The following CADPS2 variants were observed in gnomAD, a reference collection of about 807,000 sequenced individuals.
CADPS2 encodes calcium-dependent secretion activator 2.
A neutral mutation model predicts 172.5 loss-of-function variants in CADPS2; 93 were observed. That is an observed-to-expected ratio of 0.54 (90% CI 0.46 to 0.64). The LOEUF is 0.64. CADPS2 is among the 30% of genes least tolerant of loss of function. The probability of loss-of-function intolerance (pLI) is 0.00; values close to 1 mark genes in which losing one functional copy is unlikely to be tolerated. For synonymous variants in CADPS2, 546 were observed against 555.2 expected (o/e 0.98, Z 0.23); for missense variants, 1,420 against 1,565.9 (o/e 0.91, Z 1.57).
chr7:122,698,278 C>T (rs1468795737), intron 2 of CADPS2: 1 of 1,613,996 alleles, frequency 6.2e-7, no homozygotes, highest in Non-Finnish European at 8.5e-7. Flanking sequence ...CCTTGCTAAA[C>T]AAAGTCTATG....
chr7:122,839,787 C>A (rs983600710), intron 1 of CADPS2, among the ~76,000 whole-genome samples: 3 of 152,152 alleles, frequency 2.0e-5, no homozygotes, highest in African/African-American at 7.2e-5. Flanking sequence ...ACAACAGGTG[C>A]TGGAGAGGAT....
At chr7:122,641,364 A>T (rs935759579) in intron 3 of CADPS2, among the ~76,000 whole-genome samples, 1 of 152,142 alleles carries the variant, frequency 6.6e-6, no homozygotes, top group Non-Finnish European at 1.5e-5. Context: ...TTACACAGGG[A>T]TTACTGTTTC....
At chr7:122,652,727 A>G (rs1281022330) in intron 3 of CADPS2, among the ~76,000 whole-genome samples, 2 of 152,176 alleles carry the variant, frequency 1.3e-5, no homozygotes, top group East Asian at 3.9e-4. Context: ...CTGCAGATAC[A>G]TTGTTCTCAA....
At chr7:122,836,346 C>T (rs903203754) in intron 1 of CADPS2, among the ~76,000 whole-genome samples, 25 of 152,006 alleles carry the variant, frequency 1.6e-4, no homozygotes, top group Non-Finnish European at 1.2e-4. Context: ...TAAAGACCAC[C>T]GAGGCTGGGA....
chr7:122,733,672 C>T (rs185295639), intron 2 of CADPS2, among the ~76,000 whole-genome samples: 577 of 152,118 alleles, frequency 3.8e-3, no homozygotes, highest in Non-Finnish European at 6.4e-3. Flanking sequence ...ACTTCAGGAA[C>T]TCACCTGAAC....
chr7:122,657,589 T>C (rs1171803109), intron 3 of CADPS2, among the ~76,000 whole-genome samples: 6 of 152,238 alleles, frequency 3.9e-5, no homozygotes, highest in South Asian at 2.1e-4. Context: ...TAGGAGTTCA[T>C]TTGTGATTTG....
rs73439722 is a variant in CADPS2 at position 122,775,088 on chromosome 7, T to C, written c.340-38020A>G. 2.6e-3 allele frequency among the ~76,000 whole-genome samples: 395 copies of C among 152,310 alleles called. 1 individual carries two copies. Among genetic ancestry groups the C allele is most frequent in the Middle Eastern group, 0.024 (7 of 294 alleles). ...TCATTTTATATATTCAGTTGCTAGG[T>C]TGTTTTGTGTTATAAAAGTTTTATG... On this transcript the variant is annotated intron_variant, in intron 1 of 29. Transcript: ENST00000449022.
At chr7:122,816,338 C>T (rs887205244) in intron 1 of CADPS2, among the ~76,000 whole-genome samples, 15 of 152,126 alleles carry the variant, frequency 9.9e-5, no homozygotes, top group African/African-American at 3.6e-4. Flanking sequence ...TAATGTCTTC[C>T]AGTGCCATCT....
chr7:122,330,800 G>C, intron 28 of CADPS2: 1 of 152,142 alleles, frequency 6.6e-6, no homozygotes, highest in Middle Eastern at 3.1e-3. Flanking sequence ...AACACACCAG[G>C]GAAGAACACA....
intron 28 of CADPS2, among the ~76,000 whole-genome samples, chr7:122,341,103 C>A (rs1379693131): frequency 6.6e-6 from 1 of 152,182 alleles, no homozygotes; most frequent in Non-Finnish European, 1.5e-5. Flanking sequence ...CAGCTGGAAA[C>A]ACTGAGTCTG....
chr7:122,561,789 A>C (rs545607962), intron 7 of CADPS2, among the ~76,000 whole-genome samples: 23 of 152,246 alleles, frequency 1.5e-4, no homozygotes, highest in African/African-American at 5.5e-4. Flanking sequence ...TAATTAACAT[A>C]TCCATTTCTT....
chr7:122,653,077 T>C (rs560775759), intron 3 of CADPS2, among the ~76,000 whole-genome samples: 55 of 152,286 alleles, frequency 3.6e-4, no homozygotes, highest in African/African-American at 1.2e-3. Flanking sequence ...ATCGATGTCA[T>C]GTGGCAGCCC....
chr7:122,847,626 C>T (rs1383806520), intron 1 of CADPS2, among the ~76,000 whole-genome samples: 2 of 151,842 alleles, frequency 1.3e-5, no homozygotes, highest in East Asian at 3.9e-4. Flanking sequence ...TCATTAACAA[C>T]AGTTCTATGG....
At chr7:122,732,381 T>C (rs965375673) in intron 2 of CADPS2, among the ~76,000 whole-genome samples, 3 of 151,116 alleles carry the variant, frequency 2.0e-5, no homozygotes, top group Non-Finnish European at 3.0e-5. Context: ...TATATAGACC[T>C]ACAATCAAGA....
chr7:122,468,886 T>C (rs1244850351), intron 14 of CADPS2, among the ~76,000 whole-genome samples: 1 of 152,174 alleles, frequency 6.6e-6, no homozygotes, highest in Admixed American at 6.5e-5. Flanking sequence ...CAACCCTATA[T>C]TTCTTCCTTT....
intron 12 of CADPS2, chr7:122,479,975 G>A: frequency 3.1e-6 from 1 of 323,170 alleles, no homozygotes; most frequent in Non-Finnish European, 6.7e-6. Flanking sequence ...CACACACATT[G>A]TATTATGTTA....
At chr7:122,619,892 G>A (rs1347180799) in intron 5 of CADPS2, among the ~76,000 whole-genome samples, 2 of 152,108 alleles carry the variant, frequency 1.3e-5, no homozygotes, top group Non-Finnish European at 2.9e-5. Flanking sequence ...CATTAGGTAA[G>A]CCCAGAATTG....
intron 25 of CADPS2, chr7:122,366,652 T>TAC: frequency 7.1e-6 from 1 of 141,500 alleles, no homozygotes; most frequent in Non-Finnish European, 1.5e-5. Context: ...CACACATATA[T>TAC]ATACATACAC....
intron 11 of CADPS2, among the ~76,000 whole-genome samples, chr7:122,489,865 G>A (rs962535157): frequency 6.6e-6 from 1 of 152,024 alleles, no homozygotes; most frequent in Non-Finnish European, 1.5e-5. Context: ...ATACCCTAAT[G>A]CTTGACAAAT....
Sources: gnomAD v4.1 joint callset for allele counts (sites outside exome capture counted in the v4.1 genomes callset) on GRCh38, gnomAD v4.1.1 for gene constraint, MANE v1.5 for transcripts, NCBI Gene and HGNC (gene_info 2026-07-23, HGNC 2026-07-21) for gene names.